Variants in HIBADH observed in about 807,000 individuals in gnomAD.
The protein encoded by HIBADH is 3-hydroxyisobutyrate dehydrogenase, also known as 3-hydroxyisobutyrate dehydrogenase, mitochondrial.
HIBADH carries 25 observed loss-of-function variants against 36.1 expected under a neutral mutation model. The ratio of observed to expected loss-of-function variants is 0.69; its 90% CI spans 0.50 to 0.97. The LOEUF is 0.97. Ranked by LOEUF, HIBADH falls within the 50% of genes least tolerant of loss-of-function variation. HIBADH has a pLI of 0.00. For synonymous variants in HIBADH, 160 were observed against 149.5 expected (o/e 1.07, Z -0.51); for missense variants, 421 against 418.0 (o/e 1.01, Z -0.06).
At chr7:27,642,021 G>C (rs1280318275) in intron 2 of HIBADH, among the ~76,000 whole-genome samples, 1 of 152,146 alleles carries the variant, frequency 6.6e-6, no homozygotes, top group African/African-American at 2.4e-5. Context: ...CTGTGTATTG[G>C]GGGAGGAGTG....
intron 5 of HIBADH, chr7:27,541,638 C>T: frequency 2.8e-6 from 1 of 355,794 alleles, no homozygotes. Context: ...ATGTATCAGG[C>T]AATTCAACTT....
At chr7:27,558,066 T>C (rs771306389) in intron 4 of HIBADH, among the ~76,000 whole-genome samples, 8 of 152,070 alleles carry the variant, frequency 5.3e-5, no homozygotes, top group Non-Finnish European at 1.2e-4. Context: ...CCCACAAACT[T>C]ATAATTCCTT....
chr7:27,575,905 C>A (rs1157802479), intron 4 of HIBADH, among the ~76,000 whole-genome samples: 1 of 152,188 alleles, frequency 6.6e-6, no homozygotes, highest in Non-Finnish European at 1.5e-5. Context: ...AGCATGCTTG[C>A]TTATATGCAT....
intron 2 of HIBADH, among the ~76,000 whole-genome samples, chr7:27,643,126 C>A (rs1026676210): frequency 3.9e-5 from 6 of 152,220 alleles, no homozygotes; most frequent in Admixed American, 1.3e-4. Context: ...AAGGCACAGA[C>A]TGTGACTGTC....
chr7:27,569,898 A>G (rs1268165357), intron 4 of HIBADH, among the ~76,000 whole-genome samples: 1 of 152,216 alleles, frequency 6.6e-6, no homozygotes, highest in East Asian at 1.9e-4. Flanking sequence ...GGTTCAGAAG[A>G]GAGGATCATA....
At chr7:27,527,843 T>TCTGCCTCCC (rs1783928145) in intron 7 of HIBADH, among the ~76,000 whole-genome samples, 1 of 142,814 alleles carries the variant, frequency 7.0e-6, no homozygotes, top group Non-Finnish European at 1.5e-5. Context: ...CTCTGCCTCC[T>TCTGCCTCCC]GGGTTCAAGT....
At chr7:27,637,543 C>T (rs528560060) in intron 2 of HIBADH, among the ~76,000 whole-genome samples, 51 of 152,268 alleles carry the variant, frequency 3.3e-4, no homozygotes, top group African/African-American at 1.2e-3. Flanking sequence ...CGGAACCAGG[C>T]AAGGATGCCC....
intron 6 of HIBADH, among the ~76,000 whole-genome samples, chr7:27,534,801 A>G (rs1304846168): frequency 1.3e-5 from 2 of 151,802 alleles, no homozygotes; most frequent in African/African-American, 4.8e-5. Flanking sequence ...CCTCACCACA[A>G]CCACAAATAT....
chr7:27,541,529 GT>G (rs1213531191), intron 5 of HIBADH, among the ~76,000 whole-genome samples: 1 of 152,118 alleles, frequency 6.6e-6, no homozygotes, highest in Non-Finnish European at 1.5e-5. Flanking sequence ...GCAGTGATGG[GT>G]TCATGACTAT....
intron 4 of HIBADH, among the ~76,000 whole-genome samples, chr7:27,625,078 C>T (rs1037633425): frequency 7.2e-5 from 11 of 152,120 alleles, no homozygotes; most frequent in Admixed American, 2.0e-4. Context: ...AAGAACTGCA[C>T]GTAACAACCA....
chr7:27,562,117 T>C (rs926276214), intron 4 of HIBADH, among the ~76,000 whole-genome samples: 3 of 152,134 alleles, frequency 2.0e-5, no homozygotes, highest in African/African-American at 4.8e-5. Context: ...TTTTACTTTG[T>C]GCTTTTCCTC....
At chr7:27,529,284 G>A (rs1783957818) in intron 7 of HIBADH, among the ~76,000 whole-genome samples, 1 of 152,178 alleles carries the variant, frequency 6.6e-6, no homozygotes, top group Admixed American at 6.6e-5. Flanking sequence ...TATGTGAGAA[G>A]TATTTCATAA....
At chr7:27,530,449 T>C (rs1470118634) in intron 7 of HIBADH, among the ~76,000 whole-genome samples, 2 of 152,088 alleles carry the variant, frequency 1.3e-5, no homozygotes, top group Non-Finnish European at 2.9e-5. Context: ...TCAGGTGATC[T>C]GCCCTCCTCG....
At chr7:27,616,973 GATTT>G (rs1388287668) in intron 4 of HIBADH, among the ~76,000 whole-genome samples, 1 of 152,126 alleles carries the variant, frequency 6.6e-6, no homozygotes, top group Non-Finnish European at 1.5e-5. Flanking sequence ...AGCTGAAGTT[GATTT>G]ATTATTGAAG....
chr7:27,559,513 T>A (rs1784436019), intron 4 of HIBADH, among the ~76,000 whole-genome samples: 1 of 152,082 alleles, frequency 6.6e-6, no homozygotes, highest in South Asian at 2.1e-4. Context: ...AAACCTACAG[T>A]CCCAGCTTCT....
intron 2 of HIBADH, among the ~76,000 whole-genome samples, chr7:27,646,764 C>T (rs1180090649): frequency 1.4e-5 from 2 of 140,094 alleles, no homozygotes; most frequent in Admixed American, 7.9e-5. Flanking sequence ...GGTGCAATCT[C>T]GGCTTATTGC....
chr7:27,534,087 C>T (rs569254829), intron 6 of HIBADH, among the ~76,000 whole-genome samples: 113 of 152,174 alleles, frequency 7.4e-4, no homozygotes, highest in Non-Finnish European at 1.2e-3. Flanking sequence ...ATAAACGTCA[C>T]TGTGTCAAAT....
Position 27,531,343 on chromosome 7 carries a change from C to A in HIBADH, c.701G>T (p.Gly234Val). 1 of 1,607,396 alleles carries A rather than the reference C, an allele frequency of 6.2e-7. No individual in the cohort carries two copies. The highest frequency in any genetic ancestry group is 8.5e-7 in the Non-Finnish European group (1 of 1,176,180). Residue 234 changes from glycine (G) to valine (V), a missense_variant, in exon 7 of 8, where the codon GGG becomes GTG. Coordinates refer to ENST00000265395, the MANE Select transcript of HIBADH (RefSeq NM_152740.4). ...TTTAGCCAGTAGTTTTGGGTCAAGCCCTAACCTGTCAAAGGTCAAAGAAAA... is the reference window on the plus strand; with the variant it reads ...TTTAGCCAGTAGTTTTGGGTCAAGCACTAACCTGTCAAAGGTCAAAGAAAA... ...AEAMNLGIRLGLDPKLLAKIL... is the reference protein window; with the variant it reads ...AEAMNLGIRLVLDPKLLAKIL...
At chr7:27,549,311 GTTAA>G (rs1443600175) in intron 4 of HIBADH, among the ~76,000 whole-genome samples, 2 of 152,180 alleles carry the variant, frequency 1.3e-5, no homozygotes, top group African/African-American at 4.8e-5. Context: ...TAATGCATAT[GTTAA>G]TTAGTTCGGT....
Sources: gnomAD v4.1 joint callset for allele counts (sites outside exome capture counted in the v4.1 genomes callset) on GRCh38, gnomAD v4.1.1 for gene constraint, MANE v1.5 for transcripts, NCBI Gene and HGNC (gene_info 2026-07-23, HGNC 2026-07-21) for gene names.